The following GRIK4 variants were observed in gnomAD, a reference collection of about 807,000 sequenced individuals.
The protein encoded by GRIK4 is glutamate receptor ionotropic, kainate 4.
A neutral mutation model predicts 104.9 loss-of-function variants in GRIK4; 40 were observed. The ratio of observed to expected loss-of-function variants is 0.38; its 90% confidence interval spans 0.30 to 0.50. GRIK4 has a LOEUF of 0.50. Among genes scored for constraint, GRIK4 ranks in the 20% least tolerant of loss-of-function variants. GRIK4 has a pLI of 0.93. For synonymous variants in GRIK4, 485 were observed against 524.9 expected, an observed-to-expected ratio of 0.92 and a Z score of 1.04; for missense variants, 1,047 against 1,308.1, an observed-to-expected ratio of 0.80 and a Z score of 3.08.
chr11:120,764,386 A>G (rs1273890345), intron 3 of GRIK4, among the ~76,000 whole-genome samples: 1 of 151,732 alleles, frequency 6.6e-6, no homozygotes, highest in African/African-American at 2.4e-5. Context: ...ATGGGTCTTG[A>G]CTCTTTATCC....
chr11:120,638,995 G>A (rs868188403), intron 1 of GRIK4, among the ~76,000 whole-genome samples: 5 of 151,606 alleles, frequency 3.3e-5, no homozygotes, highest in African/African-American at 2.4e-5. Flanking sequence ...TCAGGAGTTC[G>A]AAACCAGCCT....
Position 120,911,261 on chromosome 11 carries a change from C to T in GRIK4, c.1476+5768C>T, listed in dbSNP as rs540441010. Among the ~76,000 whole-genome samples the T allele has an allele frequency of 4.3e-3, 620 of 144,288 alleles. 4 individuals are homozygous for T. The highest frequency in any genetic ancestry group is 0.015 in the African/African-American group (584 of 38,966). 94.7% of individuals were successfully genotyped at this position (144,288 alleles called of 152,430 possible). A position where few individuals can be genotyped will look rare whatever the true frequency, so the allele number is the denominator to read the frequency against. Reference sequence around the variant, plus strand: ...TTCTCTTTTTTTTTTTTTTTTGAGACGGAGTTTCACTCTGTCACCCAGGCT... The same window carrying T: ...TTCTCTTTTTTTTTTTTTTTTGAGATGGAGTTTCACTCTGTCACCCAGGCT... On this transcript the variant is annotated intron_variant, in intron 13 of 20. Transcript: ENST00000527524.
intron 1 of GRIK4, among the ~76,000 whole-genome samples, chr11:120,523,718 C>T (rs1393070626): frequency 6.6e-6 from 1 of 152,186 alleles, no homozygotes; most frequent in African/African-American, 2.4e-5. Flanking sequence ...TTAGCCACTG[C>T]TTCTCCGTGT....
At position 120,956,489 on chromosome 11, in the gene GRIK4, G is replaced by A. The variant is rs191891131; in HGVS notation, c.1701-291G>A. On this transcript the variant is annotated intron_variant, in intron 15 of 20. Transcript: ENST00000527524. This position sits in a 1 kb window ranked among gnomAD's most constrained non-coding sequence, Gnocchi z 4.6. ...CAAAGTGCTGGGATTACAGGCATGA[G>A]CCACCGCACCTGGCCATCCTCTATT... Among the ~76,000 whole-genome samples, 174 of 152,244 alleles carry A rather than the reference G, an allele frequency of 1.1e-3. No homozygotes were observed. Among genetic ancestry groups the A allele is most frequent in the African/African-American group, 3.9e-3 (162 of 41,536 alleles).
intron 3 of GRIK4, among the ~76,000 whole-genome samples, chr11:120,789,142 C>T (rs1168261471): frequency 6.6e-6 from 1 of 152,086 alleles, no homozygotes; most frequent in Admixed American, 6.5e-5. Flanking sequence ...TCACCCTGAC[C>T]CTGGGGACTC....
At chr11:120,551,353 T>C (rs1032766500) in intron 1 of GRIK4, among the ~76,000 whole-genome samples, 5 of 152,218 alleles carry the variant, frequency 3.3e-5, no homozygotes, top group African/African-American at 1.2e-4. Flanking sequence ...CTATGGGTCA[T>C]GAAACCTTTA....
chr11:120,822,635 T>C (rs917929634), intron 6 of GRIK4, among the ~76,000 whole-genome samples: 2 of 152,240 alleles, frequency 1.3e-5, no homozygotes, highest in East Asian at 3.8e-4. Flanking sequence ...ACGTGGCTGG[T>C]GGCTGCTGTG....
intron 1 of GRIK4, among the ~76,000 whole-genome samples, chr11:120,535,569 C>G (rs1947965923): frequency 6.6e-6 from 1 of 151,994 alleles, no homozygotes; most frequent in Admixed American, 6.5e-5. Flanking sequence ...GCTGGCTAGG[C>G]AGGGTGTGTA....
chr11:120,744,315 C>T (rs76784320), intron 3 of GRIK4, among the ~76,000 whole-genome samples: 3,866 of 152,224 alleles, frequency 0.025, 73 homozygotes, highest in Middle Eastern at 0.044. Flanking sequence ...TTTTTCCCCC[C>T]GGGCCTGGAC....
chr11:120,939,575 A>G lies in GRIK4; in HGVS notation c.1477-772A>G, dbSNP rs189817803. On this transcript the variant is annotated intron_variant, in intron 13 of 20. Transcript: ENST00000527524. The surrounding 1 kb of genome is among the most constrained non-coding windows in gnomAD (Gnocchi z 5.6). ...ATGGGGTTGCATTAAGGTTTTTCTGATTTCTGTGGTTCCAGCATTTTTACT... is the reference window on the plus strand; with the variant it reads ...ATGGGGTTGCATTAAGGTTTTTCTGGTTTCTGTGGTTCCAGCATTTTTACT... 6.6e-6 allele frequency among the ~76,000 whole-genome samples: 1 copy of G among 152,246 alleles called. No homozygotes were observed. Among genetic ancestry groups the G allele is most frequent in the African/African-American group, 2.4e-5 (1 of 41,554 alleles).
intron 5 of GRIK4, among the ~76,000 whole-genome samples, chr11:120,818,083 C>T (rs749177908): frequency 2.0e-5 from 3 of 152,204 alleles, no homozygotes; most frequent in Non-Finnish European, 4.4e-5. Flanking sequence ...CTCCAAAACC[C>T]ATTTGTTCTT....
chr11:120,902,319 A>C lies in GRIK4; in HGVS notation c.1273-2971A>C, dbSNP rs12283136. The stretch of plus-strand genomic sequence containing the variant: ...CCCCTGCTCCAGGCTAGCACTCAAC[A>C]CCCCAGCATTCTCCAAGGTGCCAGT... On this transcript the variant is annotated intron_variant, in intron 12 of 20. Coordinates refer to ENST00000527524, the MANE Select transcript of GRIK4 (RefSeq NM_014619.5). This position sits in a 1 kb window ranked among gnomAD's most constrained non-coding sequence, Gnocchi z 4.5. Among the ~76,000 whole-genome samples the C allele has an allele frequency of 0.061, 9,288 of 151,846 alleles. 958 individuals are homozygous for C. Among genetic ancestry groups the C allele is most frequent in the African/African-American group, 0.21 (8,768 of 41,364 alleles).
intron 9 of GRIK4, among the ~76,000 whole-genome samples, chr11:120,865,194 C>T (rs1031861206): frequency 2.0e-5 from 3 of 150,566 alleles, no homozygotes; most frequent in African/African-American, 7.4e-5. Context: ...TATGCATATA[C>T]GATTCTATCT....
chr11:120,584,067 C>T (rs1401831014), intron 1 of GRIK4, among the ~76,000 whole-genome samples: 1 of 152,112 alleles, frequency 6.6e-6, no homozygotes, highest in Non-Finnish European at 1.5e-5. Context: ...GATTTTGTAT[C>T]CTGAAACTTT....
In GRIK4 at chr11:120,939,959, G is replaced by C. The variant is rs1257666146; in HGVS notation, c.1477-388G>C. The stretch of plus-strand genomic sequence containing the variant: ...GGCGCCACTGCACTCCAGCCTGGGC[G>C]ACAGAGGGAGACCCTGTATCCAGAA... On this transcript the variant is annotated intron_variant, in intron 13 of 20. Transcript: ENST00000527524. This position sits in a 1 kb window ranked among gnomAD's most constrained non-coding sequence, Gnocchi z 5.6. Among the ~76,000 whole-genome samples the C allele has an allele frequency of 2.0e-5, 3 of 151,380 alleles. No homozygotes were observed. The highest frequency in any genetic ancestry group is 4.4e-5 in the Non-Finnish European group (3 of 67,920).
intron 1 of GRIK4, among the ~76,000 whole-genome samples, chr11:120,641,273 A>C (rs576771577): frequency 1.1e-4 from 16 of 152,350 alleles, no homozygotes; most frequent in East Asian, 3.9e-4. Context: ...CTGAATTAGT[A>C]TAAAGATTTT....
intron 3 of GRIK4, among the ~76,000 whole-genome samples, chr11:120,711,336 G>C (rs938378127): frequency 1.3e-5 from 2 of 152,162 alleles, no homozygotes; most frequent in Non-Finnish European, 2.9e-5. Flanking sequence ...AAGGTGGGAC[G>C]AGATGTTCCT....
intron 3 of GRIK4, among the ~76,000 whole-genome samples, chr11:120,720,390 C>G (rs1950909741): frequency 6.6e-6 from 1 of 152,182 alleles, no homozygotes; most frequent in African/African-American, 2.4e-5. Flanking sequence ...TATAGATTTT[C>G]CCATTGCATT....
chr11:120,671,420 T>C (rs1950015134), intron 3 of GRIK4, among the ~76,000 whole-genome samples: 1 of 152,256 alleles, frequency 6.6e-6, no homozygotes, highest in African/African-American at 2.4e-5. Flanking sequence ...TGATATCTCA[T>C]TGTGGATTTG....
Sources: gnomAD v4.1 joint callset for allele counts (sites outside exome capture counted in the v4.1 genomes callset) on GRCh38, gnomAD v4.1.1 for gene constraint, Gnocchi (gnomAD v3.1) non-coding constraint, MANE v1.5 for transcripts, NCBI Gene and HGNC (gene_info 2026-07-23, HGNC 2026-07-21) for gene names.